CLDN16: variants seen among roughly 807,000 people sequenced by gnomAD.
CLDN16 encodes claudin-16.
A neutral mutation model predicts 24.6 loss-of-function variants in CLDN16; 13 were observed. The observed-to-expected ratio is 0.53, with a 90% CI of 0.34 to 0.84. The LOEUF (loss-of-function observed/expected upper bound fraction) is 0.84. Among genes scored for constraint, CLDN16 ranks in the 40% least tolerant of loss-of-function variants. CLDN16 has a pLI of 0.01. For missense variants in CLDN16, 298 were observed against 292.7 expected (o/e 1.02, Z -0.13); for synonymous variants, 116 against 106.7 (o/e 1.09, Z -0.54).
At chr3:190,303,612 G>A in the CLDN16 span, among the ~76,000 whole-genome samples, 2 of 151,988 alleles carry the variant, frequency 1.3e-5, no homozygotes, top group Admixed American at 6.6e-5. Flanking sequence ...AATAAATGAA[G>A]CAAGCTTAAG....
chr3:190,320,381 C>T (rs556015285), upstream of CLDN16, among the ~76,000 whole-genome samples: 7 of 152,202 alleles, frequency 4.6e-5, 1 homozygote, highest in South Asian at 1.0e-3. Flanking sequence ...TGCCTGACAC[C>T]GTTTCCTTAA....
intron 3 of CLDN16, among the ~76,000 whole-genome samples, chr3:190,378,647 G>A (rs1345706085): frequency 6.6e-6 from 1 of 152,034 alleles, no homozygotes; most frequent in East Asian, 1.9e-4. Flanking sequence ...TGATGAGTAA[G>A]GGTTTGGACA....
chr3:190,341,561 G>T (rs1423463326), intron 1 of CLDN16, among the ~76,000 whole-genome samples: 2 of 152,118 alleles, frequency 1.3e-5, no homozygotes, highest in South Asian at 2.1e-4. Flanking sequence ...TTTCCTCCTA[G>T]GCCTCCAGGT....
intron 2 of CLDN16, among the ~76,000 whole-genome samples, chr3:190,403,502 T>G (rs947525079): frequency 1.3e-5 from 2 of 152,178 alleles, no homozygotes; most frequent in African/African-American, 4.8e-5. Context: ...AAGAAACATC[T>G]GTTCTGTTAT....
intron 1 of CLDN16, among the ~76,000 whole-genome samples, chr3:190,331,148 A>C (rs1717172319): frequency 6.6e-6 from 1 of 152,224 alleles, no homozygotes; most frequent in South Asian, 2.1e-4. Flanking sequence ...ATAGATGAGC[A>C]TGATCTGCTG....
the CLDN16 span, among the ~76,000 whole-genome samples, chr3:190,293,691 G>A: frequency 1.3e-5 from 2 of 152,160 alleles, no homozygotes; most frequent in African/African-American, 4.8e-5. Flanking sequence ...TAGCTAACAG[G>A]ATTTAATAAT....
intron 1 of CLDN16, among the ~76,000 whole-genome samples, chr3:190,344,896 C>G (rs113516064): frequency 0.03 from 4,497 of 152,170 alleles, 109 homozygotes; most frequent in East Asian, 0.081. Flanking sequence ...TGTATTTTCA[C>G]ACAGATCGAT....
the CLDN16 span, chr3:190,312,949 C>T: frequency 3.1e-6 from 5 of 1,614,088 alleles, no homozygotes; most frequent in African/African-American, 2.7e-5. Flanking sequence ...GCACTTCATA[C>T]ACTTCATGCC....
chr3:190,311,445 C>T, the CLDN16 span, among the ~76,000 whole-genome samples: 1 of 152,096 alleles, frequency 6.6e-6, no homozygotes, highest in Non-Finnish European at 1.5e-5. Flanking sequence ...ACATCTTTAG[C>T]AAAGCCACAG....
chr3:190,313,107 G>T, the CLDN16 span: 1 of 1,553,416 alleles, frequency 6.4e-7, no homozygotes, highest in Non-Finnish European at 8.9e-7. Context: ...AGAAGACCAA[G>T]TATATGTCAC....
chr3:190,300,960 C>G, the CLDN16 span, among the ~76,000 whole-genome samples: 3 of 152,148 alleles, frequency 2.0e-5, no homozygotes, highest in Non-Finnish European at 4.4e-5. Context: ...AAGATGGATC[C>G]GGTAATGAGA....
chr3:190,311,169 A>C, the CLDN16 span, among the ~76,000 whole-genome samples: 14 of 152,146 alleles, frequency 9.2e-5, 2 homozygotes, highest in Admixed American at 9.2e-4. Context: ...GCTTACTCCT[A>C]AGAGAAGTCC....
At chr3:190,333,233 T>C (rs1311407939) in intron 1 of CLDN16, among the ~76,000 whole-genome samples, 1 of 152,160 alleles carries the variant, frequency 6.6e-6, no homozygotes, top group South Asian at 2.1e-4. Flanking sequence ...CTATTTTAAA[T>C]GAAATAGACC....
At chr3:190,310,297 C>G in the CLDN16 span, 1 of 1,483,418 alleles carries the variant, frequency 6.7e-7, no homozygotes, top group South Asian at 1.1e-5. Flanking sequence ...CCATGGAACA[C>G]TGAGCCTAAA....
rs139431646 is a variant in CLDN16 at position 190,364,609 on chromosome 3, C to T, written n.122-6284C>T. Among the ~76,000 whole-genome samples, 91 of 151,992 alleles carry T rather than the reference C, an allele frequency of 6.0e-4. 1 individual carries two copies. The East Asian group carries it at 0.015, about 25-fold the overall frequency. ...TGCTTTAGGGCCCTGGGGATTTCTA[C>T]TGTGGTTCTCTAATTGCAACTTACA... On this transcript the variant is annotated intron_variant and non_coding_transcript_variant, in intron 1 of 4. Coordinates refer to the CLDN16 transcript ENST00000468220.
intron 1 of CLDN16, among the ~76,000 whole-genome samples, chr3:190,363,713 G>A (rs186111854): frequency 2.7e-5 from 4 of 150,744 alleles, no homozygotes; most frequent in East Asian, 4.0e-4. Flanking sequence ...TGATGTTAAC[G>A]GCCTATTTGG....
intron 1 of CLDN16, among the ~76,000 whole-genome samples, chr3:190,354,466 T>C (rs550349419): frequency 6.6e-6 from 1 of 152,008 alleles, no homozygotes; most frequent in Admixed American, 6.6e-5. Flanking sequence ...GAAGACACAC[T>C]CTTTTCTTTA....
At chr3:190,374,835 T>G (rs1382686448) in intron 3 of CLDN16, among the ~76,000 whole-genome samples, 2 of 152,014 alleles carry the variant, frequency 1.3e-5, no homozygotes, top group African/African-American at 4.8e-5. Context: ...TGTGTGCCGA[T>G]TTTTATTACT....
chr3:190,352,647 C>A (rs976362566), intron 1 of CLDN16, among the ~76,000 whole-genome samples: 3 of 152,074 alleles, frequency 2.0e-5, no homozygotes, highest in Admixed American at 6.6e-5. Context: ...TGACAATTTT[C>A]TTTTTCTCCG....
Sources: allele counts gnomAD v4.1 joint callset (sites outside exome capture counted in the v4.1 genomes callset), GRCh38; gene constraint gnomAD v4.1.1; transcripts MANE v1.5; gene names NCBI Gene and HGNC (gene_info 2026-07-23, HGNC 2026-07-21).